NOL9: variants seen among roughly 807,000 people sequenced by gnomAD.
NOL9 encodes the protein polynucleotide 5'-hydroxyl-kinase NOL9.
A neutral mutation model predicts 67.9 loss-of-function variants in NOL9; 28 were observed. The observed-to-expected ratio is 0.41, with a 90% CI of 0.31 to 0.57. The LOEUF (loss-of-function observed/expected upper bound fraction) is 0.57. NOL9 is among the 20% of genes least tolerant of loss of function. The probability of loss-of-function intolerance (pLI) is 0.25; values close to 1 mark genes in which losing one functional copy is unlikely to be tolerated. For missense variants in NOL9, 777 were observed against 897.0 expected, an observed-to-expected ratio of 0.87 and a Z score of 1.71; for synonymous variants, 356 against 352.2, an observed-to-expected ratio of 1.01 and a Z score of -0.12.
chr1:6,552,150 C>A (rs1169628371), intron 1 of NOL9, among the ~76,000 whole-genome samples: 2 of 152,128 alleles, frequency 1.3e-5, no homozygotes, highest in Non-Finnish European at 2.9e-5. Flanking sequence ...CTGTGGGGGT[C>A]TGGGGAAGGG....
Position 6,545,081 on chromosome 1 carries a change from G to C in NOL9, c.844C>G (p.Leu282Val), listed in dbSNP as rs1238727012. 1.9e-6 allele frequency: 3 copies of C among 1,614,078 alleles called. No individual in the cohort carries two copies. Among genetic ancestry groups the C allele is most frequent in the African/African-American group, 1.3e-5 (1 of 74,914 alleles). ...RKGLQLTEST[L>V]SALEELVNVS... ...TTGACTAACTCTTCCAGGGCTGAAA[G>C]GGTACTCTCAGTTAACTGAAGGCCT... Residue 282 changes from leucine (L) to valine (V), a missense_variant, in exon 4 of 12, where the codon CTT becomes GTT. By Grantham distance (32) the Leu-to-Val change is conservative. Around this residue, in one of 2 missense-constraint regions of NOL9, gnomAD observed 413 missense variants for 552.6 expected, o/e 0.75. Transcript: ENST00000377705.
rs767092862 is a variant in NOL9 at position 6,554,321 on chromosome 1, T to G, written c.182A>C (p.Asp61Ala). 4.1e-6 allele frequency: 6 copies of G among 1,473,480 alleles called. No homozygotes were observed. In the African/African-American group the frequency reaches 8.9e-5, roughly 22 times the overall value. The allele number at this position is 1,473,480 out of a possible 1,614,324, so 91.3% of individuals were successfully genotyped here. The change falls in exon 1 of 12, where the codon GAC becomes GCC. Residue 61 changes from aspartate (D) to alanine (A), a missense_variant. Asp to Ala is a moderately radical substitution (Grantham distance 126). This residue lies in a region of NOL9 where 364 missense variants were observed against 344.4 expected (regional missense o/e 1.06). Coordinates refer to ENST00000377705, the MANE Select transcript of NOL9 (RefSeq NM_024654.5). ...RLLQAQASGV[D>A]WREGARQVSR... ...CACCTGGCGGGCTCCCTCCCTCCAG[T>G]CCACGCCGGACGCCTGGGCTTGCAG...
chr1:6,523,532 T>C lies in NOL9; in HGVS notation c.*2322A>G, dbSNP rs1337510967. On this transcript the variant is annotated 3_prime_UTR_variant, in exon 12 of 12. Coordinates refer to ENST00000377705, the MANE Select transcript of NOL9 (RefSeq NM_024654.5). The stretch of plus-strand genomic sequence containing the variant: ...AGGCGGAGGTGGCAGTGAGCCCAGA[T>C]TGCGCCACTGCACTCCAGCCTGGGC... 1 of 140,354 alleles carries C rather than the reference T, an allele frequency of 7.1e-6. No individual in the cohort carries two copies. Among genetic ancestry groups the C allele is most frequent in the Non-Finnish European group, 1.5e-5 (1 of 66,914 alleles). 8.7% of individuals were successfully genotyped at this position (140,354 alleles called of 1,614,324 possible). A position where few individuals can be genotyped will look rare whatever the true frequency, so the allele number is the denominator to read the frequency against.
In NOL9 at chr1:6,521,962, A is replaced by G. The variant is rs543404731; in HGVS notation, c.*3892T>C. 6.6e-6 allele frequency: 1 copy of G among 152,354 alleles called. No homozygotes were observed. Among genetic ancestry groups the G allele is most frequent in the Admixed American group, 6.5e-5 (1 of 15,292 alleles). 9.4% of individuals were successfully genotyped at this position (152,354 alleles called of 1,614,324 possible). ...TAAGCATCTTCCTCCAAGTTACACC[A>G]CTGACAAGTGGTAGAGCCAGGATTT... is the stretch of plus-strand genomic sequence containing the variant. On this transcript the variant is annotated 3_prime_UTR_variant, in exon 12 of 12. Coordinates refer to ENST00000377705, the MANE Select transcript of NOL9 (RefSeq NM_024654.5).
chr1:6,536,262 C>T (rs952321879), intron 6 of NOL9, among the ~76,000 whole-genome samples: 3 of 152,036 alleles, frequency 2.0e-5, no homozygotes, highest in Admixed American at 6.6e-5. Context: ...AGGAGAATGG[C>T]GTGAACCCAG....
intron 6 of NOL9, 31 bp from the exon 7 acceptor site, chr1:6,533,472 G>A (rs11122083): frequency 0.12 from 184,055 of 1,516,734 alleles, 11,493 homozygotes; most frequent in South Asian, 0.16. Flanking sequence ...AATCAGATGA[G>A]TAAGGTGAGT....
rs12562736 is a variant in NOL9 at position 6,531,523 on chromosome 1, A to G, written c.1647+445T>C. ...CCACCACGCCCGGCTAATGTGAAGTACTTTAAGAGTGTTCTCTGGGTGCCA... is the reference window on the plus strand; with the variant it reads ...CCACCACGCCCGGCTAATGTGAAGTGCTTTAAGAGTGTTCTCTGGGTGCCA... On this transcript the variant is annotated intron_variant, in intron 9 of 11. Coordinates refer to ENST00000377705, the MANE Select transcript of NOL9 (RefSeq NM_024654.5). Among the ~76,000 whole-genome samples the G allele has an allele frequency of 7.0e-4, 107 of 152,126 alleles. 2 individuals carry two copies. In the East Asian group the frequency reaches 0.019, roughly 26 times the overall value.
chr1:6,532,212 A>G (rs1240655913), intron 8 of NOL9, 133 bp from the exon 9 acceptor site: 21 of 771,928 alleles, frequency 2.7e-5, no homozygotes, highest in Middle Eastern at 2.3e-4. Context: ...ACGGACCCCA[A>G]CTGGAAAAAC....
intron 6 of NOL9, chr1:6,540,885 A>G (rs1157578919): frequency 6.6e-6 from 1 of 152,084 alleles, no homozygotes; most frequent in Non-Finnish European, 1.5e-5. Context: ...ATACTAAAAA[A>G]CTGGAATGAT....
chr1:6,528,785 A>G (rs1218613528), intron 10 of NOL9, among the ~76,000 whole-genome samples: 1 of 152,218 alleles, frequency 6.6e-6, no homozygotes, highest in Non-Finnish European at 1.5e-5. Context: ...GCCCTTGGGA[A>G]GCCTACATTT....
intron 6 of NOL9, among the ~76,000 whole-genome samples, chr1:6,536,318 C>T (rs1639155391): frequency 6.6e-6 from 1 of 151,882 alleles, no homozygotes; most frequent in African/African-American, 2.4e-5. Context: ...TGCACTCCTG[C>T]CTGGGTGACA....
At chr1:6,543,091 A>G (rs2412309) in intron 5 of NOL9, among the ~76,000 whole-genome samples, 122,528 of 151,692 alleles carry the variant, frequency 0.81, 50,305 homozygotes, top group Non-Finnish European at 0.87. Context: ...ACAGGGTCTC[A>G]TTACGTTGCC....
At chr1:6,532,418 C>A in intron 8 of NOL9, 45 bp downstream of exon 8, 1 of 1,547,706 alleles carries the variant, frequency 6.5e-7, no homozygotes, top group Non-Finnish European at 8.8e-7. Context: ...AGGTCTTTTT[C>A]GACGGAAGGA....
chr1:6,548,028 T>C, intron 3 of NOL9: 1 of 279,808 alleles, frequency 3.6e-6, no homozygotes, highest in Non-Finnish European at 7.3e-6. Context: ...CCCGAACCCC[T>C]GGTAATAAAA....
intron 5 of NOL9, among the ~76,000 whole-genome samples, chr1:6,543,503 TTTA>T (rs1427564941): frequency 6.6e-6 from 1 of 152,022 alleles, no homozygotes; most frequent in Non-Finnish European, 1.5e-5. Flanking sequence ...GCTTTATTTA[TTTA>T]TTTATTTATT....
intron 9 of NOL9, 116 bp downstream of exon 9, chr1:6,531,852 T>C (rs1639035038): frequency 1.3e-6 from 1 of 777,142 alleles, no homozygotes. Flanking sequence ...CACTGGGATG[T>C]TCTGAGGATT....
intron 11 of NOL9, 144 bp downstream of exon 11, chr1:6,526,552 C>T (rs1370959951): frequency 2.5e-6 from 2 of 791,512 alleles, no homozygotes; most frequent in Non-Finnish European, 3.8e-6. Flanking sequence ...GCGGCCCTGA[C>T]ACCGTCTCGG....
chr1:6,554,411 C>A lies in NOL9; in HGVS notation c.92G>T (p.Arg31Leu), dbSNP rs770143369. Residue 31 changes from arginine (R) to leucine (L), a missense_variant, in exon 1 of 12, where the codon CGC becomes CTC. By Grantham distance (102) the Arg-to-Leu change is moderately radical (BLOSUM62 -2). Transcript: ENST00000377705. ...GCTCCCGAGCCGGCGGCGGGGCCGG[C>A]GGCTGAGGATGAGCTGGGGCCGGGC... ...RKARPQLILS[R>L]RPRRRLGSLR... 4.6e-6 allele frequency: 7 copies of A among 1,512,022 alleles called. No homozygotes were observed. The East Asian group carries it at 1.3e-4, about 29-fold the overall frequency. The allele number at this position is 1,512,022 out of a possible 1,614,324, so 93.7% of individuals were successfully genotyped here.
rs528673953 is a variant in NOL9 at position 6,533,787 on chromosome 1, T to C, written c.1076-346A>G. Among the ~76,000 whole-genome samples, 4 of 152,312 alleles carry C rather than the reference T, an allele frequency of 2.6e-5. No homozygotes were observed. The East Asian group carries it at 7.7e-4, about 29-fold the overall frequency. ...CAAACATCCCCACCCTCACAGGGCT[T>C]CTATCCCAATGAAAGGGCAATGAAT... On this transcript the variant is annotated intron_variant, in intron 6 of 11. Transcript: ENST00000377705.
Sources: allele counts gnomAD v4.1 joint callset (sites outside exome capture counted in the v4.1 genomes callset), GRCh38; gene constraint gnomAD v4.1.1; regional missense constraint gnomAD v4.1.1; transcripts MANE v1.5; gene names NCBI Gene and HGNC (gene_info 2026-07-23, HGNC 2026-07-21).